Variants in DCHS2 observed in about 807,000 individuals in gnomAD.
DCHS2 encodes the protein dachsous cadherin-related 2, also known as protocadherin-23.
A neutral mutation model predicts 182.4 loss-of-function variants in DCHS2; 142 were observed. The ratio of observed to expected loss-of-function variants is 0.78; its 90% CI spans 0.68 to 0.89. The LOEUF (loss-of-function observed/expected upper bound fraction) is 0.89. DCHS2 is among the 40% of genes least tolerant of loss of function. The pLI is 0.00. For missense variants in DCHS2, 4,319 were observed against 4,198.6 expected (o/e 1.03, Z -0.79); for synonymous variants, 1,740 against 1,663.3 (o/e 1.05, Z -1.12).
chr4:154,386,326 C>T (rs1174180594), intron 1 of DCHS2, among the ~76,000 whole-genome samples: 4 of 152,150 alleles, frequency 2.6e-5, no homozygotes, highest in South Asian at 2.1e-4. Flanking sequence ...AAAACACTGG[C>T]TTGTTCCCAC....
intron 1 of DCHS2, among the ~76,000 whole-genome samples, chr4:154,382,164 G>T (rs1323433364): frequency 6.6e-6 from 1 of 151,942 alleles, no homozygotes; most frequent in African/African-American, 2.4e-5. Flanking sequence ...TGACAAAGTT[G>T]AATAAGCAAT....
intron 17 of DCHS2, among the ~76,000 whole-genome samples, chr4:154,242,256 T>C (rs1023144292): frequency 6.6e-5 from 10 of 152,164 alleles, no homozygotes; most frequent in Non-Finnish European, 1.3e-4. Flanking sequence ...CTTCACTAAT[T>C]AGTTGTTGTT....
chr4:154,387,532 G>T (rs73854730), intron 1 of DCHS2, among the ~76,000 whole-genome samples: 5,925 of 151,912 alleles, frequency 0.039, 139 homozygotes, highest in Middle Eastern at 0.066. Flanking sequence ...CAGACCAAAA[G>T]AGATTCTACA....
intron 1 of DCHS2, among the ~76,000 whole-genome samples, chr4:154,449,780 C>G (rs1050253067): frequency 6.6e-6 from 1 of 152,140 alleles, no homozygotes; most frequent in East Asian, 1.9e-4. Flanking sequence ...AGATGTTTAA[C>G]TTATTAGACA....
chr4:154,236,084 G>C lies in DCHS2; in HGVS notation c.8568C>G (p.Asp2856Glu). The change falls in exon 20 of 20, where the codon GAC (aspartate) becomes GAG (glutamate). Residue 2856 changes from aspartate to glutamate, a missense_variant. Transcript: ENST00000357232. The stretch of plus-strand genomic sequence containing the variant: ...CTAAGGAGGCAGTTGCATCACCTTT[G>C]TCTTTGGCTTGGACTGTGAGGCAGT... The part of the protein sequence containing the change: ...NKYCLTVQAK[D>E]KGDATASLVV... 6.2e-7 allele frequency: 1 copy of C among 1,613,674 alleles called. No individual in the cohort carries two copies. The highest frequency in any genetic ancestry group is 8.5e-7 in the Non-Finnish European group (1 of 1,179,920).
intron 1 of DCHS2, among the ~76,000 whole-genome samples, chr4:154,385,764 T>C (rs1324584679): frequency 6.6e-6 from 1 of 152,040 alleles, no homozygotes; most frequent in Non-Finnish European, 1.5e-5. Flanking sequence ...AGTGCTAGGA[T>C]TAAAGGTGTG....
At chr4:154,287,116 T>C (rs777827466) in intron 13 of DCHS2, among the ~76,000 whole-genome samples, 1 of 152,126 alleles carries the variant, frequency 6.6e-6, no homozygotes, top group African/African-American at 2.4e-5. Flanking sequence ...GAAAATATCA[T>C]TCAAATATGA....
chr4:154,445,680 G>A (rs1004389182), intron 1 of DCHS2, among the ~76,000 whole-genome samples: 2 of 152,012 alleles, frequency 1.3e-5, no homozygotes, highest in Non-Finnish European at 2.9e-5. Context: ...CTGTGGTGTT[G>A]TGTACCTGTG....
intron 3 of DCHS2, chr4:154,357,107 G>C: frequency 1.5e-6 from 1 of 660,870 alleles, no homozygotes; most frequent in Non-Finnish European, 2.7e-6. Flanking sequence ...TAACATCAAC[G>C]AACCTTTGGC....
chr4:154,366,358 A>G lies in DCHS2; in HGVS notation c.2328T>C (p.Tyr776=), dbSNP rs1730359318. ...GGGTCTCATCACTGATGCTCGTCAC[A>G]TAGGTTGATGGGTTAAACACAGGAT... is the stretch of plus-strand genomic sequence containing the variant. The part of the protein sequence containing the change: ...DNHPVFNPST[Y]VTSISDETQP... Residue 776 remains tyrosine, a synonymous_variant, in exon 3 of 20, where the codon TAT becomes TAC. Transcript: ENST00000357232. The G allele has an allele frequency of 1.2e-6, 2 of 1,613,948 alleles. No individual in the cohort carries two copies. The highest frequency in any genetic ancestry group is 2.7e-5 in the African/African-American group (2 of 75,020).
At chr4:154,391,346 G>T (rs1446541721) in intron 1 of DCHS2, 1 of 1,545,288 alleles carries the variant, frequency 6.5e-7, no homozygotes, top group African/African-American at 1.4e-5. Flanking sequence ...CATGTCTCTG[G>T]CATGAACCCT....
intron 16 of DCHS2, among the ~76,000 whole-genome samples, chr4:154,250,902 A>C (rs1732320033): frequency 6.6e-6 from 1 of 152,216 alleles, no homozygotes; most frequent in Non-Finnish European, 1.5e-5. Flanking sequence ...AAGTCTTTCA[A>C]AACTTGCCTG....
intron 1 of DCHS2, among the ~76,000 whole-genome samples, chr4:154,385,969 C>A (rs749308708): frequency 2.6e-4 from 39 of 152,090 alleles, no homozygotes; most frequent in Admixed American, 4.6e-4. Context: ...CCTATGCCAA[C>A]TCACACCTCA....
chr4:154,280,845 A>T (rs1466955087), intron 13 of DCHS2, among the ~76,000 whole-genome samples: 4 of 141,818 alleles, frequency 2.8e-5, no homozygotes, highest in South Asian at 2.1e-4. Context: ...TTTTTTTTTT[A>T]AAGACAGAGT....
intron 1 of DCHS2, among the ~76,000 whole-genome samples, chr4:154,476,400 G>A (rs1309931115): frequency 6.6e-6 from 1 of 152,200 alleles, no homozygotes; most frequent in Non-Finnish European, 1.5e-5. Flanking sequence ...AGATCTGTCT[G>A]ATACGAAATT....
chr4:154,381,537 G>A (rs1269348951), intron 1 of DCHS2, among the ~76,000 whole-genome samples: 5 of 151,872 alleles, frequency 3.3e-5, no homozygotes, highest in South Asian at 2.1e-4. Flanking sequence ...TAGAGAATTC[G>A]TAAGACTCTG....
Position 154,490,061 on chromosome 4 carries a change from G to A in DCHS2, c.1295C>T (p.Pro432Leu), listed in dbSNP as rs963522517. 3 of 1,548,618 alleles carry A rather than the reference G, an allele frequency of 1.9e-6. No individual in the cohort carries two copies. Among genetic ancestry groups the A allele is most frequent in the East Asian group, 2.4e-5 (1 of 40,828 alleles). Residue 432 changes from proline (P) to leucine (L), a missense_variant, in exon 1 of 20, where the codon CCG (proline) becomes CTG (leucine). By Grantham distance (98) the Pro-to-Leu change is moderately conservative. Transcript: ENST00000357232. ...GVARVSEGAR[P>L]GDYVARVSVS... Reference sequence around the variant, plus strand: ...CGAGACGCGAGCCACGTAGTCGCCCGGTCGGGCGCCTTCAGAGACACGGGC... The same window carrying A: ...CGAGACGCGAGCCACGTAGTCGCCCAGTCGGGCGCCTTCAGAGACACGGGC...
At position 154,341,036 on chromosome 4, in the gene DCHS2, CCTTA is replaced by C. The variant is rs144620636; in HGVS notation, c.2477-5936_2477-5933del. Among the ~76,000 whole-genome samples the C allele has an allele frequency of 7.0e-3, 1,062 of 152,238 alleles. 7 individuals are homozygous for C. The highest frequency in any genetic ancestry group is 0.012 in the Non-Finnish European group (808 of 68,016). ...ATTTATGTGGGGGGAGAATCGTGAACCTTACTTCTCAAAGGGAAGTGCCTTGTTA... is the reference window on the plus strand; with the variant it reads ...ATTTATGTGGGGGGAGAATCGTGAACCTTCTCAAAGGGAAGTGCCTTGTTA... On this transcript the variant is annotated intron_variant, in intron 3 of 19. Coordinates refer to ENST00000357232, the MANE Select transcript of DCHS2 (RefSeq NM_001358235.2).
intron 1 of DCHS2, among the ~76,000 whole-genome samples, chr4:154,429,584 C>G (rs549013488): frequency 6.6e-6 from 1 of 152,234 alleles, no homozygotes; most frequent in African/African-American, 2.4e-5. Context: ...TTTCTTAGAC[C>G]ATCTTGGCCA....
Sources: allele counts gnomAD v4.1 joint callset (sites outside exome capture counted in the v4.1 genomes callset), GRCh38; gene constraint gnomAD v4.1.1; transcripts MANE v1.5; gene names NCBI Gene and HGNC (gene_info 2026-07-23, HGNC 2026-07-21).